The following SNTG1 variants were observed in gnomAD, a reference collection of about 807,000 sequenced individuals.
SNTG1 encodes syntrophin gamma 1.
In SNTG1, 39 loss-of-function variants were observed where a neutral mutation model predicts 74.7. The observed-to-expected ratio is 0.52, with a 90% CI of 0.40 to 0.68. The LOEUF is 0.68. Among genes scored for constraint, SNTG1 ranks in the 30% least tolerant of loss-of-function variants. The probability of loss-of-function intolerance (pLI) is 0.00; values close to 1 mark genes in which losing one functional copy is unlikely to be tolerated. For synonymous variants in SNTG1, 254 were observed against 217.1 expected, an observed-to-expected ratio of 1.17 and a Z score of -1.49; for missense variants, 685 against 609.5, an observed-to-expected ratio of 1.12 and a Z score of -1.30.
intron 2 of SNTG1, among the ~76,000 whole-genome samples, chr8:50,251,300 C>A (rs778696430): frequency 3.3e-4 from 50 of 151,498 alleles, no homozygotes; most frequent in Middle Eastern, 3.4e-3. Context: ...AGGTAAACAA[C>A]GAGAGAAGGA....
chr8:50,019,879 T>C (rs12541599), intron 1 of SNTG1, among the ~76,000 whole-genome samples: 80,979 of 151,934 alleles, frequency 0.53, 24,518 homozygotes, highest in East Asian at 0.8. Context: ...TCAAGAGACA[T>C]AAGAGTGTCC....
chr8:50,016,276 G>A (rs987356604), intron 1 of SNTG1, among the ~76,000 whole-genome samples: 1 of 152,062 alleles, frequency 6.6e-6, no homozygotes, highest in African/African-American at 2.4e-5. Flanking sequence ...GAAATGGTTT[G>A]TTGTTGTTGC....
chr8:50,453,701 G>C (rs967494690), intron 8 of SNTG1, among the ~76,000 whole-genome samples: 1 of 152,178 alleles, frequency 6.6e-6, no homozygotes, highest in Non-Finnish European at 1.5e-5. Flanking sequence ...CAATTAATTG[G>C]TAATACATTA....
At chr8:50,778,499 T>A (rs933725178) in intron 18 of SNTG1, among the ~76,000 whole-genome samples, 7 of 152,046 alleles carry the variant, frequency 4.6e-5, no homozygotes, top group Non-Finnish European at 7.4e-5. Flanking sequence ...CATAAATGTC[T>A]TCTTTTGAGA....
intron 17 of SNTG1, among the ~76,000 whole-genome samples, chr8:50,740,706 A>C (rs190639937): frequency 1.4e-4 from 22 of 152,248 alleles, no homozygotes; most frequent in African/African-American, 5.3e-4. Flanking sequence ...TCACTGCAGC[A>C]CTGTTCACAA....
At chr8:50,474,388 A>C (rs1367794104) in intron 8 of SNTG1, among the ~76,000 whole-genome samples, 4 of 151,858 alleles carry the variant, frequency 2.6e-5, no homozygotes, top group East Asian at 1.9e-4. Flanking sequence ...AGAAAAAAAA[A>C]AAACAACCCC....
chr8:49,999,822 A>G (rs1814582569), intron 1 of SNTG1, among the ~76,000 whole-genome samples: 1 of 152,040 alleles, frequency 6.6e-6, no homozygotes, highest in Non-Finnish European at 1.5e-5. Flanking sequence ...TGGCTGGTAT[A>G]ATAATTACAC....
chr8:50,387,188 G>A (rs2092588585), intron 2 of SNTG1, among the ~76,000 whole-genome samples: 1 of 151,976 alleles, frequency 6.6e-6, no homozygotes. Context: ...TTGCCACTTG[G>A]GCCCTGTCAT....
At chr8:50,297,909 C>T (rs1423266315) in intron 2 of SNTG1, among the ~76,000 whole-genome samples, 2 of 146,456 alleles carry the variant, frequency 1.4e-5, no homozygotes, top group Admixed American at 6.8e-5. Context: ...CAATTTGGTT[C>T]GTTTATGAGG....
intron 1 of SNTG1, among the ~76,000 whole-genome samples, chr8:50,087,046 T>C (rs1348670659): frequency 6.6e-6 from 1 of 152,196 alleles, no homozygotes; most frequent in African/African-American, 2.4e-5. Flanking sequence ...CAAGGTCTTG[T>C]CAGGATTAAG....
chr8:50,555,363 T>A (rs572465946), intron 12 of SNTG1, among the ~76,000 whole-genome samples: 6 of 152,304 alleles, frequency 3.9e-5, no homozygotes, highest in Non-Finnish European at 8.8e-5. Context: ...AAGTACTACA[T>A]AAATGTTGAA....
intron 2 of SNTG1, among the ~76,000 whole-genome samples, chr8:50,377,270 A>G (rs566099500): frequency 1.2e-4 from 19 of 152,300 alleles, no homozygotes; most frequent in African/African-American, 4.3e-4. Flanking sequence ...TGGAATGTGT[A>G]GGGACATGAA....
At chr8:50,491,811 G>C (rs1256841393) in intron 8 of SNTG1, among the ~76,000 whole-genome samples, 2 of 151,848 alleles carry the variant, frequency 1.3e-5, no homozygotes, top group African/African-American at 2.4e-5. Context: ...TTGTGCCATG[G>C]TGGTTTGCTG....
intron 8 of SNTG1, among the ~76,000 whole-genome samples, chr8:50,463,578 C>T (rs1252007475): frequency 6.6e-6 from 1 of 152,146 alleles, no homozygotes; most frequent in African/African-American, 2.4e-5. Context: ...CTAAGCAGTA[C>T]GTCTCAACAG....
At chr8:50,394,340 T>C in intron 3 of SNTG1, 75 bp downstream of exon 3, 1 of 1,480,702 alleles carries the variant, frequency 6.8e-7, no homozygotes. Context: ...CCAATTTATA[T>C]AGGGAAATTC....
intron 17 of SNTG1, among the ~76,000 whole-genome samples, chr8:50,749,236 C>A (rs190774172): frequency 8.9e-4 from 136 of 152,096 alleles, no homozygotes. Context: ...TTCCCTTAAG[C>A]CAAAGCCTAA....
chr8:50,024,557 C>T (rs1434929083), intron 1 of SNTG1, among the ~76,000 whole-genome samples: 3 of 152,286 alleles, frequency 2.0e-5, no homozygotes, highest in East Asian at 3.9e-4. Context: ...CGTTCCAGGA[C>T]TTCCAGTGGG....
intron 1 of SNTG1, among the ~76,000 whole-genome samples, chr8:50,069,380 C>A (rs1268298873): frequency 6.6e-6 from 1 of 152,000 alleles, no homozygotes; most frequent in Non-Finnish European, 1.5e-5. Context: ...ATAATAGCCT[C>A]AACATTTACC....
rs562732457 is a variant in SNTG1, at chr8:50,332,513, G to T, written c.-27-61699G>T. On this transcript the variant is annotated intron_variant, in intron 2 of 18. Transcript: ENST00000642720. ...TTTCACTGAGGTGTGAATCAAGTTT[G>T]TTTGGGAAATAAAATATTAAAATAC... Among the ~76,000 whole-genome samples the T allele has an allele frequency of 1.6e-4, 24 of 151,974 alleles. No individual in the cohort carries two copies. The East Asian group carries it at 4.6e-3, about 29-fold the overall frequency.
Sources: gnomAD v4.1 joint callset for allele counts (sites outside exome capture counted in the v4.1 genomes callset) on GRCh38, gnomAD v4.1.1 for gene constraint, MANE v1.5 for transcripts, NCBI Gene and HGNC (gene_info 2026-07-23, HGNC 2026-07-21) for gene names.